The following MAP3K10 variants were observed in gnomAD, a reference collection of about 807,000 sequenced individuals.
The protein encoded by MAP3K10 is MKN28 derived nonreceptor_type serine/threonine kinase.
In MAP3K10, 22 loss-of-function variants were observed where a neutral mutation model predicts 75.0. The observed-to-expected ratio is 0.29, with a 90% CI of 0.21 to 0.42. The LOEUF (loss-of-function observed/expected upper bound fraction) is 0.42, where lower values mean the gene tolerates loss of function less well. Among genes scored for constraint, MAP3K10 ranks in the 10% least tolerant of loss-of-function variants. The probability of loss-of-function intolerance (pLI) is 1.00; values close to 1 mark genes in which losing one functional copy is unlikely to be tolerated. For synonymous variants in MAP3K10, 599 were observed against 612.9 expected, an observed-to-expected ratio of 0.98 and a Z score of 0.34; for missense variants, 1,165 against 1,379.8, an observed-to-expected ratio of 0.84 and a Z score of 2.47.
At chr19:40,197,059 T>C (rs1252607647) in intron 1 of MAP3K10, among the ~76,000 whole-genome samples, 1 of 152,120 alleles carries the variant, frequency 6.6e-6, no homozygotes, top group Admixed American at 6.6e-5. Context: ...AAAACAGCCA[T>C]TGTGTATTAC....
Position 40,215,574 on chromosome 19 carries a change from T to A in MAP3K10, c.*282T>A. On this transcript the variant is annotated 3_prime_UTR_variant, in exon 10 of 10. Transcript: ENST00000253055. ...AGCATTAAAGGTAACCCCTGCCCCC[T>A]ACCGCACTTGATTGTGTTCCTTTTT... 1 of 345,646 alleles carries A rather than the reference T, an allele frequency of 2.9e-6. No homozygotes were observed. The allele number at this position is 345,646 out of a possible 1,614,324, so 21.4% of individuals were successfully genotyped here. A position where few individuals can be genotyped will look rare whatever the true frequency, so the allele number is the denominator to read the frequency against.
rs749841833 is a variant in MAP3K10, at chr19:40,205,953, G to T, written c.1231G>T (p.Glu411Ter). 6.2e-7 allele frequency: 1 copy of T among 1,603,212 alleles called. No homozygotes were observed. The highest frequency in any genetic ancestry group is 8.5e-7 in the Non-Finnish European group (1 of 1,174,668). ...GGAGGAGCTGCTGCGGGCGGCACAG[G>T]AGCAGCGCTTCCAGGAGGAGCAGCT... is the stretch of plus-strand genomic sequence containing the variant. ...REEELLRAAQ[E>*]QRFQEEQLRR... is the part of the protein sequence containing the mutation. Residue 411 changes from glutamate to a stop codon, truncating the protein, a stop_gained, in exon 5 of 10, where the codon GAG (glutamate) becomes TAG (stop). Coordinates refer to ENST00000253055, the MANE Select transcript of MAP3K10 (RefSeq NM_002446.4). LOFTEE classifies it high-confidence loss of function. This position sits in a 1 kb window ranked among gnomAD's most constrained non-coding sequence, Gnocchi z 4.3.
In MAP3K10 at chr19:40,214,137, G is replaced by T; in HGVS notation, c.2458G>T (p.Ala820Ser). The change falls in exon 9 of 10, where the codon GCT (alanine) becomes TCT (serine). Residue 820 changes from alanine (A) to serine (S), a missense_variant. By Grantham distance (99) the Ala-to-Ser change is moderately conservative. Around this residue, in one of 2 missense-constraint regions of MAP3K10, gnomAD observed 590 missense variants for 586.6 expected, o/e 1.01. Transcript: ENST00000253055. The stretch of plus-strand genomic sequence containing the variant: ...GCCCACCCACGTCACGGCTGCATGC[G>T]CTGTGAGCCGCGGGCACCGGCGGAC... The part of the protein sequence containing the change: ...LTPTHVTAAC[A>S]VSRGHRRTPS... The T allele has an allele frequency of 1.3e-6, 2 of 1,549,098 alleles. No individual in the cohort carries two copies. Among genetic ancestry groups the T allele is most frequent in the Admixed American group, 1.8e-5 (1 of 54,098 alleles).
Position 40,213,548 on chromosome 19 carries a change from C to T in MAP3K10, c.1869C>T (p.Ser623=). Reference sequence around the variant, plus strand: ...TCGCGGAGGCAGAGGATGGAGGCAGCAGCGTGCCCCCTTCCCCCTACTCGA... The same window carrying T: ...TCGCGGAGGCAGAGGATGGAGGCAGTAGCGTGCCCCCTTCCCCCTACTCGA... ...EEFAEAEDGG[S]SVPPSPYSTP... Residue 623 remains serine, a synonymous_variant, in exon 9 of 10, where the codon AGC becomes AGT. Transcript: ENST00000253055. The surrounding 1 kb of genome is among the most constrained non-coding windows in gnomAD (Gnocchi z 5.7). The T allele has an allele frequency of 6.2e-7, 1 of 1,611,814 alleles. No homozygotes were observed. Among genetic ancestry groups the T allele is most frequent in the East Asian group, 2.2e-5 (1 of 44,778 alleles).
Position 40,198,268 on chromosome 19 carries a change from G to C in MAP3K10, c.683-107G>C. The C allele has an allele frequency of 9.2e-7, 1 of 1,089,090 alleles. No individual in the cohort carries two copies. The allele number at this position is 1,089,090 out of a possible 1,614,324, so 67.5% of individuals were successfully genotyped here. ...GACCTGCCACAGAGCGGGGCAGCCT[G>C]AGGCAGTGAGAGGAAAGACGTGTTT... is the stretch of plus-strand genomic sequence containing the variant. On this transcript the variant is annotated intron_variant, in intron 1 of 9. Transcript: ENST00000253055. The surrounding 1 kb of genome is among the most constrained non-coding windows in gnomAD (Gnocchi z 4.3).
chr19:40,209,329 A>G, intron 6 of MAP3K10, 110 bp downstream of exon 6: 2 of 720,100 alleles, frequency 2.8e-6, no homozygotes, highest in Non-Finnish European at 4.7e-6. Flanking sequence ...AAGAAGACAG[A>G]CAAGGCCCTT....
Position 40,200,956 on chromosome 19 carries a change from G to C in MAP3K10, c.863+2401G>C, listed in dbSNP as rs139601492. Among the ~76,000 whole-genome samples the C allele has an allele frequency of 3.0e-3, 449 of 151,658 alleles. 2 individuals are homozygous for C. The highest frequency in any genetic ancestry group is 0.011 in the South Asian group (52 of 4,804). On this transcript the variant is annotated intron_variant, in intron 2 of 9. Transcript: ENST00000253055. The stretch of plus-strand genomic sequence containing the variant: ...TGTGGTCCTGTCCTGTACTTAGCAG[G>C]ATGCAGGATATCCACACCTCCCCGC...
In MAP3K10 at chr19:40,213,712, G is replaced by C; in HGVS notation, c.2033G>C (p.Cys678Ser). ...RRRCDLALLG[C>S]ATLLGAVGLG... The stretch of plus-strand genomic sequence containing the variant: ...CGCTGCGACCTGGCGCTGCTAGGCT[G>C]CGCCACGCTGCTGGGGGCTGTGGGC... Residue 678 changes from cysteine (C) to serine (S), a missense_variant, in exon 9 of 10, where the codon TGC (cysteine) becomes TCC (serine). Around this residue, in one of 2 missense-constraint regions of MAP3K10, gnomAD observed 590 missense variants for 586.6 expected, o/e 1.01. Transcript: ENST00000253055. The surrounding 1 kb of genome is among the most constrained non-coding windows in gnomAD (Gnocchi z 5.7). The C allele has an allele frequency of 2.8e-6, 3 of 1,076,126 alleles. No homozygotes were observed. The allele number at this position is 1,076,126 out of a possible 1,614,324, so 66.7% of individuals were successfully genotyped here.
At chr19:40,199,885 G>A (rs1972985489) in intron 2 of MAP3K10, among the ~76,000 whole-genome samples, 1 of 152,230 alleles carries the variant, frequency 6.6e-6, no homozygotes, top group African/African-American at 2.4e-5. Context: ...GAGGCCGGGT[G>A]CGGTGGCTCA....
Position 40,214,965 on chromosome 19 carries a change from A to G in MAP3K10, c.2543-5A>G. ...CACTCACCTCCTCTGAACCTCTCTT[A>G]CCAGGCCCTCGTGACCTTCTGGACT... On this transcript the variant is annotated splice_region_variant and splice_polypyrimidine_tract_variant and intron_variant, in intron 9 of 9. Coordinates refer to ENST00000253055, the MANE Select transcript of MAP3K10 (RefSeq NM_002446.4). 6.7e-7 allele frequency: 1 copy of G among 1,499,712 alleles called. No individual in the cohort carries two copies. Among genetic ancestry groups the G allele is most frequent in the Non-Finnish European group, 9.2e-7 (1 of 1,089,478 alleles). 92.9% of individuals were successfully genotyped at this position (1,499,712 alleles called of 1,614,324 possible). A position where few individuals can be genotyped will look rare whatever the true frequency, so the allele number is the denominator to read the frequency against.
At chr19:40,206,554 C>A (rs968219486) in intron 5 of MAP3K10, among the ~76,000 whole-genome samples, 1 of 151,672 alleles carries the variant, frequency 6.6e-6, no homozygotes, top group African/African-American at 2.4e-5. Context: ...CCAGTCTGGG[C>A]AGCAGAGCAA....
rs994040728 is a variant in MAP3K10, at chr19:40,214,027, C to G, written c.2348C>G (p.Pro783Arg). The change falls in exon 9 of 10, where the codon CCC becomes CGC. Residue 783 changes from proline (P) to arginine (R), a missense_variant. Physicochemically the swap from Pro to Arg is moderately radical, Grantham distance 103. Around this residue, in one of 2 missense-constraint regions of MAP3K10, gnomAD observed 590 missense variants for 586.6 expected, o/e 1.01. Coordinates refer to ENST00000253055, the MANE Select transcript of MAP3K10 (RefSeq NM_002446.4). ...TCCCCACCACCCTCCCCGCCCGCGC[C>G]CACACCCACGCCCTCGCCCAGCACC... ...APSPPPSPPA[P>R]TPTPSPSTNP... is the part of the protein sequence containing the mutation. 2.0e-6 allele frequency: 3 copies of G among 1,526,120 alleles called. No individual in the cohort carries two copies. In the Admixed American group the frequency reaches 5.9e-5, roughly 30 times the overall value. 94.5% of individuals were successfully genotyped at this position (1,526,120 alleles called of 1,614,324 possible).
rs1412907231 is a variant in MAP3K10 at position 40,213,596 on chromosome 19, A to G, written c.1917A>G (p.Pro639=). 6.3e-7 allele frequency: 1 copy of G among 1,598,362 alleles called. No homozygotes were observed. Among genetic ancestry groups the G allele is most frequent in the South Asian group, 1.1e-5 (1 of 90,298 alleles). Residue 639 remains proline, a synonymous_variant, in exon 9 of 10, where the codon CCA becomes CCG. Coordinates refer to ENST00000253055, the MANE Select transcript of MAP3K10 (RefSeq NM_002446.4). The surrounding 1 kb of genome is among the most constrained non-coding windows in gnomAD (Gnocchi z 5.7). The stretch of plus-strand genomic sequence containing the variant: ...CGACCCCGTCCTACCTCTCAGTGCC[A>G]CTGCCTGCCGAGCCCTCCCCGGGGG... ...PYSTPSYLSV[P]LPAEPSPGAR...
Position 40,206,045 on chromosome 19 carries a change from C to G in MAP3K10, c.1323C>G (p.Leu441=). The G allele has an allele frequency of 4.3e-6, 7 of 1,613,448 alleles. No individual in the cohort carries two copies. Among genetic ancestry groups the G allele is most frequent in the Non-Finnish European group, 5.9e-6 (7 of 1,179,692 alleles). Residue 441 remains leucine (L), a synonymous_variant, in exon 5 of 10, where the codon CTC becomes CTG. Coordinates refer to ENST00000253055, the MANE Select transcript of MAP3K10 (RefSeq NM_002446.4). Reference sequence around the variant, plus strand: ...TCGTGGAACGGGAGCTGCACCTGCTCATGTGCCAGCTGAGCCAGGAGAAGC... The same window carrying G: ...TCGTGGAACGGGAGCTGCACCTGCTGATGTGCCAGCTGAGCCAGGAGAAGC... ...MDIVERELHL[L]MCQLSQEKPR... is the part of the protein sequence containing the mutation.
intron 1 of MAP3K10, among the ~76,000 whole-genome samples, chr19:40,196,675 C>T (rs991171579): frequency 3.9e-5 from 6 of 152,166 alleles, no homozygotes; most frequent in Admixed American, 2.6e-4. Flanking sequence ...CCCGCCACCA[C>T]ACCCAGCTAA....
In MAP3K10 at chr19:40,205,138, C is replaced by T. The variant is rs1281507782; in HGVS notation, c.1030C>T (p.Pro344Ser). Residue 344 changes from proline (P) to serine (S), a missense_variant, in exon 4 of 10, where the codon CCC becomes TCC. Coordinates refer to ENST00000253055, the MANE Select transcript of MAP3K10 (RefSeq NM_002446.4). This position sits in a 1 kb window ranked among gnomAD's most constrained non-coding sequence, Gnocchi z 4.3. ...CACCCCAGAATGCTGGGACCCAGACCCCCACGGGCGGCCAGATTTCGGTAG... is the reference window on the plus strand; with the variant it reads ...CACCCCAGAATGCTGGGACCCAGACTCCCACGGGCGGCCAGATTTCGGTAG... ...RLLEECWDPD[P>S]HGRPDFGSIL... 3 of 1,613,140 alleles carry T rather than the reference C, an allele frequency of 1.9e-6. No individual in the cohort carries two copies. Among genetic ancestry groups the T allele is most frequent in the East Asian group, 2.2e-5 (1 of 44,892 alleles).
At chr19:40,199,800 A>G (rs2145076064) in intron 2 of MAP3K10, among the ~76,000 whole-genome samples, 1 of 152,176 alleles carries the variant, frequency 6.6e-6, no homozygotes, top group East Asian at 1.9e-4. Context: ...TGGTCAATGT[A>G]GTGAGACCCC....
At position 40,208,345 on chromosome 19, in the gene MAP3K10, CTTTTTTT is replaced by C. The variant is rs747110243; in HGVS notation, c.1436-740_1436-734del. 9.9e-3 allele frequency among the ~76,000 whole-genome samples: 552 copies of C among 55,922 alleles called. 32 individuals carry two copies. The East Asian group carries it at 0.21, about 21-fold the overall frequency. The allele number at this position is 55,922 out of a possible 152,430, so 36.7% of individuals were successfully genotyped here. On this transcript the variant is annotated intron_variant, in intron 5 of 9. Coordinates refer to ENST00000253055, the MANE Select transcript of MAP3K10 (RefSeq NM_002446.4). ...CGCCACCACGCCTGGCTCTTTCTTTCTTTTTTTTTTTTTTTTTTTTTTTTGTATTTTT... is the reference window on the plus strand; with the variant it reads ...CGCCACCACGCCTGGCTCTTTCTTTCTTTTTTTTTTTTTTTTTGTATTTTT...
At position 40,215,282 on chromosome 19, in the gene MAP3K10, G is replaced by A. The variant is rs768682579; in HGVS notation, c.2855G>A (p.Gly952Asp). Residue 952 changes from glycine to aspartate, a missense_variant, in exon 10 of 10, where the codon GGC becomes GAC. Gly to Asp is a moderately conservative substitution (Grantham distance 94). Around this residue, in one of 2 missense-constraint regions of MAP3K10, gnomAD observed 590 missense variants for 586.6 expected, o/e 1.01. Coordinates refer to ENST00000253055, the MANE Select transcript of MAP3K10 (RefSeq NM_002446.4). The part of the protein sequence containing the change: ...DSTVPLCGAH[G>D]SH ...ACAGTGCCCCTGTGCGGGGCCCACG[G>A]CTCCCACTAAGGCCTGCCCACCACC... 2.6e-6 allele frequency: 4 copies of A among 1,545,980 alleles called. No homozygotes were observed. Among genetic ancestry groups the A allele is most frequent in the South Asian group, 2.4e-5 (2 of 84,008 alleles).
Sources: gnomAD v4.1 joint callset for allele counts (sites outside exome capture counted in the v4.1 genomes callset) on GRCh38, gnomAD v4.1.1 for gene constraint, gnomAD v4.1.1 regional missense constraint, Gnocchi (gnomAD v3.1) non-coding constraint, MANE v1.5 for transcripts, NCBI Gene and HGNC (gene_info 2026-07-23, HGNC 2026-07-21) for gene names.